The following ASCC3 variants were observed in gnomAD, a reference collection of about 807,000 sequenced individuals.
ASCC3 encodes ASC-1 complex subunit P200.
In ASCC3, 158 loss-of-function variants were observed where a neutral mutation model predicts 256.3. The ratio of observed to expected loss-of-function variants is 0.62; its 90% CI spans 0.54 to 0.70. The LOEUF (loss-of-function observed/expected upper bound fraction) is 0.70, where lower values mean the gene tolerates loss of function less well. Among genes scored for constraint, ASCC3 ranks in the 30% least tolerant of loss-of-function variants. The probability of loss-of-function intolerance (pLI) is 0.00; values close to 1 mark genes in which losing one functional copy is unlikely to be tolerated. For synonymous variants in ASCC3, 948 were observed against 883.4 expected (o/e 1.07, Z -1.30); for missense variants, 2,259 against 2,626.0 (o/e 0.86, Z 3.05).
At chr6:100,625,386 T>A (rs750929954) in intron 29 of ASCC3, 52 bp from the exon 30 acceptor site, 46 of 1,585,654 alleles carry the variant, frequency 2.9e-5, no homozygotes, top group Non-Finnish European at 3.8e-5. Flanking sequence ...CCCCAGAATA[T>A]GAATTTCATT....
At chr6:100,841,615 A>G (rs1772146409) in intron 4 of ASCC3, among the ~76,000 whole-genome samples, 1 of 152,148 alleles carries the variant, frequency 6.6e-6, no homozygotes, top group Non-Finnish European at 1.5e-5. Context: ...TTAGAACACT[A>G]AACAGCTGTA....
rs1185284772 is a variant in ASCC3 at position 100,661,917 on chromosome 6, T to C, written c.2592A>G (p.Gly864=). 6.2e-7 allele frequency: 1 copy of C among 1,613,404 alleles called. No homozygotes were observed. Among genetic ancestry groups the C allele is most frequent in the South Asian group, 1.1e-5 (1 of 91,074 alleles). The change falls in exon 16 of 42, where the codon GGA becomes GGG. Residue 864 remains glycine (G), a synonymous_variant. Coordinates refer to ENST00000369162, the MANE Select transcript of ASCC3 (RefSeq NM_006828.4). ...GTTTATCATGCGTTGTTATAATTAT[T>C]CCTTCCCCAAATTTGTCAAATTGTG... ...GRPQFDKFGE[G]IIITTHDKLS...
At chr6:100,642,794 C>T (rs770887119) in intron 23 of ASCC3, 45 bp from the exon 24 acceptor site, 13 of 1,499,452 alleles carry the variant, frequency 8.7e-6, no homozygotes, top group Admixed American at 6.7e-5. Flanking sequence ...ATTCTAATAG[C>T]ATAAAGGCCT....
At chr6:100,565,313 C>G (rs940169325) in intron 36 of ASCC3, among the ~76,000 whole-genome samples, 15 of 152,138 alleles carry the variant, frequency 9.9e-5, no homozygotes, top group Admixed American at 6.6e-4. Flanking sequence ...ACACAGCTTC[C>G]TCATAGCTTT....
At chr6:100,799,343 T>TA (rs1225128980) in intron 7 of ASCC3, 88 bp downstream of exon 7, 25 of 1,449,584 alleles carry the variant, frequency 1.7e-5, no homozygotes, top group Middle Eastern at 3.5e-4. Flanking sequence ...CAACTAGTGT[T>TA]AGACTCACGA....
intron 4 of ASCC3, among the ~76,000 whole-genome samples, chr6:100,842,583 T>C (rs1025565087): frequency 1.3e-5 from 2 of 152,174 alleles, no homozygotes; most frequent in African/African-American, 4.8e-5. Context: ...ATAATGCCAC[T>C]CTTCATACTT....
At chr6:100,727,685 A>ACAAC (rs1219656902) in intron 10 of ASCC3, among the ~76,000 whole-genome samples, 10 of 122,072 alleles carry the variant, frequency 8.2e-5, no homozygotes, top group Non-Finnish European at 1.9e-4. Context: ...ACAACAAAAA[A>ACAAC]GGGTCTAAAT....
Position 100,864,235 on chromosome 6 carries a change from T to C in ASCC3, c.91-21A>G, listed in dbSNP as rs1237252163. On this transcript the variant is annotated intron_variant, in intron 2 of 41. Coordinates refer to ENST00000369162, the MANE Select transcript of ASCC3 (RefSeq NM_006828.4). Reference sequence around the variant, plus strand: ...TTTATCTGAAACAGAGATTATAATGTAGAAAAGTACTGCTTAAAGTTCTTC... The same window carrying C: ...TTTATCTGAAACAGAGATTATAATGCAGAAAAGTACTGCTTAAAGTTCTTC... 3.8e-6 allele frequency: 6 copies of C among 1,562,772 alleles called. No individual in the cohort carries two copies. In the Admixed American group the frequency reaches 6.7e-5, roughly 18 times the overall value.
At chr6:100,725,892 G>C (rs1779597781) in intron 10 of ASCC3, among the ~76,000 whole-genome samples, 189 bp from the exon 11 acceptor site, 1 of 151,514 alleles carries the variant, frequency 6.6e-6, no homozygotes, top group African/African-American at 2.4e-5. Flanking sequence ...TTTAAGCTGT[G>C]ATACTAGGCA....
At chr6:100,593,864 C>T (rs1187260904) in intron 34 of ASCC3, among the ~76,000 whole-genome samples, 1 of 152,002 alleles carries the variant, frequency 6.6e-6, no homozygotes, top group East Asian at 1.9e-4. Flanking sequence ...GAATCCAGAA[C>T]TCAATTTGGA....
chr6:100,669,352 CATAAA>C (rs1330770924), intron 14 of ASCC3, among the ~76,000 whole-genome samples: 1 of 149,902 alleles, frequency 6.7e-6, no homozygotes, highest in Non-Finnish European at 1.5e-5. Context: ...GACAATAACT[CATAAA>C]ATAAGTGGAA....
intron 8 of ASCC3, among the ~76,000 whole-genome samples, chr6:100,774,846 A>C (rs1782112438): frequency 6.6e-6 from 1 of 152,174 alleles, no homozygotes. Context: ...GTTTAAAATT[A>C]GATTACATCA....
At chr6:100,590,976 A>G (rs1312509711) in intron 34 of ASCC3, among the ~76,000 whole-genome samples, 2 of 152,164 alleles carry the variant, frequency 1.3e-5, no homozygotes, top group African/African-American at 4.8e-5. Flanking sequence ...GCCCCATTAC[A>G]TAAAAATTAT....
At chr6:100,601,729 C>G (rs925411590) in intron 34 of ASCC3, 81 bp downstream of exon 34, 2 of 1,537,390 alleles carry the variant, frequency 1.3e-6, no homozygotes, top group Non-Finnish European at 1.8e-6. Context: ...TTTGTATGTA[C>G]CTTAATTTGG....
chr6:100,720,493 C>T (rs1324768630), intron 11 of ASCC3, among the ~76,000 whole-genome samples: 1 of 151,752 alleles, frequency 6.6e-6, no homozygotes, highest in Non-Finnish European at 1.5e-5. Context: ...TATCTCACAA[C>T]CAACAACACA....
At chr6:100,708,898 A>C (rs891372705) in intron 13 of ASCC3, among the ~76,000 whole-genome samples, 9 of 152,186 alleles carry the variant, frequency 5.9e-5, no homozygotes, top group Non-Finnish European at 1.2e-4. Context: ...ATACATGAAC[A>C]AATCGTGTGC....
At chr6:100,572,241 G>A (rs1770629666) in intron 36 of ASCC3, among the ~76,000 whole-genome samples, 1 of 152,138 alleles carries the variant, frequency 6.6e-6, no homozygotes, top group Admixed American at 6.6e-5. Flanking sequence ...TTATAAAGGA[G>A]ACTCCAGAGA....
In ASCC3 at chr6:100,642,590, G is replaced by A. The variant is rs1279232293; in HGVS notation, c.3892C>T (p.Pro1298Ser). The change falls in exon 24 of 42, where the codon CCT becomes TCT. Residue 1298 changes from proline to serine, a missense_variant. Around this residue, in one of 2 missense-constraint regions of ASCC3, gnomAD observed 1,839 missense variants for 2,206.7 expected, o/e 0.83. Transcript: ENST00000369162. ...GCATTCACCATGTTACCTGTATGAGGAGGATGTCTCTCTGGTAGAATTAGA... is the reference window on the plus strand; with the variant it reads ...GCATTCACCATGTTACCTGTATGAGAAGGATGTCTCTCTGGTAGAATTAGA... ...QHLILPERHP[P>S]HTELLDLQPL... The A allele has an allele frequency of 6.2e-7, 1 of 1,613,762 alleles. No individual in the cohort carries two copies. The highest frequency in any genetic ancestry group is 1.3e-5 in the African/African-American group (1 of 74,910).
Position 100,509,451 on chromosome 6 carries a change from C to T in ASCC3, c.6544G>A (p.Ala2182Thr), listed in dbSNP as rs776566898. The T allele has an allele frequency of 5.0e-6, 8 of 1,614,180 alleles. No homozygotes were observed. In the South Asian group the frequency reaches 6.6e-5, roughly 13 times the overall value. The change falls in exon 42 of 42, where the codon GCG becomes ACG. Residue 2182 changes from alanine to threonine, a missense_variant. Physicochemically the swap from Ala to Thr is moderately conservative, Grantham distance 58. Around this residue, in one of 2 missense-constraint regions of ASCC3, gnomAD observed 1,839 missense variants for 2,206.7 expected, o/e 0.83. Transcript: ENST00000369162. The part of the protein sequence containing the change: ...QYDIYLNVTQ[A>T]SLSAQVNTKV... ...GTGTTGACCTGTGCAGAAAGACTCGCTTGTGTAACGTTGAGATAGATGTCA... is the reference window on the plus strand; with the variant it reads ...GTGTTGACCTGTGCAGAAAGACTCGTTTGTGTAACGTTGAGATAGATGTCA...
Sources: allele counts gnomAD v4.1 joint callset (sites outside exome capture counted in the v4.1 genomes callset), GRCh38; gene constraint gnomAD v4.1.1; regional missense constraint gnomAD v4.1.1; transcripts MANE v1.5; gene names NCBI Gene and HGNC (gene_info 2026-07-23, HGNC 2026-07-21).